WDR37: variants seen among roughly 807,000 people sequenced by gnomAD.
WDR37 encodes the protein WD repeat domain 37.
WDR37 carries 19 observed loss-of-function variants against 62.9 expected under a neutral mutation model. The observed-to-expected ratio is 0.30, with a 90% confidence interval of 0.21 to 0.44. The LOEUF (loss-of-function observed/expected upper bound fraction) is 0.44. Ranked by LOEUF, WDR37 falls within the 20% of genes least tolerant of loss-of-function variation. The pLI is 1.00. For synonymous variants in WDR37, 250 were observed against 260.9 expected, an observed-to-expected ratio of 0.96 and a Z score of 0.40; for missense variants, 474 against 657.6, an observed-to-expected ratio of 0.72 and a Z score of 3.05.
At chr10:1,088,320 G>C (rs1276735735) in intron 7 of WDR37, among the ~76,000 whole-genome samples, 1 of 152,216 alleles carries the variant, frequency 6.6e-6, no homozygotes, top group Non-Finnish European at 1.5e-5. Context: ...CCAGCTTTCA[G>C]CCTGTCTCAG....
intron 5 of WDR37, among the ~76,000 whole-genome samples, chr10:1,082,343 C>G (rs897919947): frequency 6.6e-6 from 1 of 152,180 alleles, no homozygotes; most frequent in African/African-American, 2.4e-5. Flanking sequence ...GGTTTTTCCC[C>G]TTCCTGGGTG....
At chr10:1,081,158 AG>A (rs1341457118) in intron 5 of WDR37, among the ~76,000 whole-genome samples, 1 of 152,196 alleles carries the variant, frequency 6.6e-6, no homozygotes, top group African/African-American at 2.4e-5. Context: ...CAGTTTCCTA[AG>A]TGTGATCAGG....
chr10:1,064,524 G>GAGATAC (rs1833476623), intron 1 of WDR37, among the ~76,000 whole-genome samples: 1 of 145,282 alleles, frequency 6.9e-6, no homozygotes, highest in Non-Finnish European at 1.5e-5. Flanking sequence ...GAAGACAGAA[G>GAGATAC]CATAGTAAGA....
chr10:1,118,604 C>G (rs1042927153), intron 11 of WDR37, among the ~76,000 whole-genome samples: 1 of 152,240 alleles, frequency 6.6e-6, no homozygotes, highest in East Asian at 1.9e-4. Flanking sequence ...GGCATCTGAG[C>G]TGCAGGGTTT....
rs1421848020 is a variant in WDR37, at chr10:1,130,868, A to C, written c.*1524A>C. The C allele has an allele frequency of 1.4e-5, 2 of 147,870 alleles. No homozygotes were observed. The highest frequency in any genetic ancestry group is 5.2e-5 in the African/African-American group (2 of 38,210). The allele number at this position is 147,870 out of a possible 1,614,324, so 9.2% of individuals were successfully genotyped here. A position where few individuals can be genotyped will look rare whatever the true frequency, so the allele number is the denominator to read the frequency against. On this transcript the variant is annotated 3_prime_UTR_variant, in exon 14 of 14. Coordinates refer to ENST00000263150, the MANE Select transcript of WDR37 (RefSeq NM_014023.4). The stretch of plus-strand genomic sequence containing the variant: ...TACTTGGGTCTTCAGGAGCTGGTCC[A>C]AGGAGCTTCGAATCTAAGTCATCTA...
chr10:1,057,977 C>T (rs1443245455), intron 1 of WDR37, among the ~76,000 whole-genome samples: 3 of 151,018 alleles, frequency 2.0e-5, no homozygotes, highest in Non-Finnish European at 3.0e-5. Flanking sequence ...TCTGAACTTC[C>T]CCCAACCCCA....
At chr10:1,067,864 C>T (rs1366352518) in intron 1 of WDR37, among the ~76,000 whole-genome samples, 1 of 152,140 alleles carries the variant, frequency 6.6e-6, no homozygotes, top group Non-Finnish European at 1.5e-5. Context: ...TGCGCACACA[C>T]ACACACACTC....
chr10:1,069,016 T>G (rs1397859153), intron 1 of WDR37, among the ~76,000 whole-genome samples: 1 of 152,018 alleles, frequency 6.6e-6, no homozygotes, highest in Non-Finnish European at 1.5e-5. Flanking sequence ...GAAAGTAAAT[T>G]AGTGGTTGCC....
chr10:1,080,157 A>G, intron 4 of WDR37, 51 bp downstream of exon 4: 1 of 1,600,886 alleles, frequency 6.2e-7, no homozygotes, highest in Non-Finnish European at 8.6e-7. Flanking sequence ...CATGCAGGAA[A>G]TTTGGAATTT....
chr10:1,092,276 G>A (rs564158197), intron 7 of WDR37, among the ~76,000 whole-genome samples: 20 of 152,118 alleles, frequency 1.3e-4, no homozygotes, highest in South Asian at 4.1e-4. Context: ...GGAGGCCGAG[G>A]TAGGCAGGAG....
intron 1 of WDR37, 115 bp from the exon 2 acceptor site, chr10:1,072,001 A>T: frequency 1.4e-6 from 1 of 708,814 alleles, no homozygotes; most frequent in Non-Finnish European, 2.1e-6. Flanking sequence ...TTATATAGTT[A>T]ATGTTAACTA....
At chr10:1,076,349 CAG>C (rs2131620520) in intron 2 of WDR37, among the ~76,000 whole-genome samples, 1 of 152,126 alleles carries the variant, frequency 6.6e-6, no homozygotes, top group East Asian at 1.9e-4. Context: ...AAGTTGATCT[CAG>C]AAGGATTTAA....
chr10:1,063,095 AAAAG>A (rs900273858), intron 1 of WDR37, among the ~76,000 whole-genome samples: 2 of 152,068 alleles, frequency 1.3e-5, no homozygotes, highest in African/African-American at 4.8e-5. Context: ...AAAAAAAAAA[AAAAG>A]AGACTGAAAG....
Position 1,105,402 on chromosome 10 carries a change from T to A in WDR37, c.1103+135T>A. On this transcript the variant is annotated intron_variant, in intron 11 of 13. Transcript: ENST00000263150. The surrounding 1 kb of genome is among the most constrained non-coding windows in gnomAD (Gnocchi z 5.3). ...TTCAAAAAAATAACTACCTTTCAAA[T>A]TCTGCTATTCTTTTTCTAAACATTT... is the stretch of plus-strand genomic sequence containing the variant. 1 of 1,178,284 alleles carries A rather than the reference T, an allele frequency of 8.5e-7. No homozygotes were observed. Among genetic ancestry groups the A allele is most frequent in the Non-Finnish European group, 1.2e-6 (1 of 852,512 alleles). The allele number at this position is 1,178,284 out of a possible 1,614,324, so 73.0% of individuals were successfully genotyped here.
At chr10:1,064,583 C>CT (rs71376884) in intron 1 of WDR37, among the ~76,000 whole-genome samples, 2,918 of 70,406 alleles carry the variant, frequency 0.041, 482 homozygotes, top group East Asian at 0.1. Context: ...GACAATGGAT[C>CT]TTTTTTTTTT....
intron 5 of WDR37, among the ~76,000 whole-genome samples, chr10:1,081,501 T>A (rs574372723): frequency 6.6e-6 from 1 of 152,364 alleles, no homozygotes; most frequent in African/African-American, 2.4e-5. Flanking sequence ...CTGCAATTAA[T>A]AGAGCAAATT....
intron 7 of WDR37, among the ~76,000 whole-genome samples, chr10:1,089,318 G>T (rs1834304966): frequency 6.6e-6 from 1 of 152,120 alleles, no homozygotes; most frequent in South Asian, 2.1e-4. Flanking sequence ...CGCTCCGGCT[G>T]GTCTCTGTGC....
In WDR37 at chr10:1,086,319, G is replaced by C. The variant is rs1337620656; in HGVS notation, c.566G>C (p.Gly189Ala). The change falls in exon 7 of 14, where the codon GGG becomes GCG. Residue 189 changes from glycine to alanine, a missense_variant. Physicochemically the swap from Gly to Ala is moderately conservative, Grantham distance 60. Coordinates refer to ENST00000263150, the MANE Select transcript of WDR37 (RefSeq NM_014023.4). ...GCTTTGCTGTGGAGCATAGAGACAG[G>C]GAAGTGCCTAGTCAAGTACGCAGGC... ...HTALLWSIET[G>A]KCLVKYAGHV... 1 of 1,614,164 alleles carries C rather than the reference G, an allele frequency of 6.2e-7. No homozygotes were observed. The highest frequency in any genetic ancestry group is 2.2e-5 in the East Asian group (1 of 44,890).
intron 12 of WDR37, among the ~76,000 whole-genome samples, 182 bp downstream of exon 12, chr10:1,124,534 A>G (rs1287236705): frequency 6.6e-6 from 1 of 152,182 alleles, no homozygotes; most frequent in Non-Finnish European, 1.5e-5. Flanking sequence ...GCCTAAAACC[A>G]GGTTGGATCA....
Sources: gnomAD v4.1 joint callset for allele counts (sites outside exome capture counted in the v4.1 genomes callset) on GRCh38, gnomAD v4.1.1 for gene constraint, Gnocchi (gnomAD v3.1) non-coding constraint, MANE v1.5 for transcripts, NCBI Gene and HGNC (gene_info 2026-07-23, HGNC 2026-07-21) for gene names.